Variants in PLK4 observed in about 807,000 individuals in gnomAD.
The protein encoded by PLK4 is serine/threonine-protein kinase PLK4.
PLK4 carries 51 observed loss-of-function variants against 103.0 expected under a neutral mutation model. The observed-to-expected ratio is 0.50, with a 90% confidence interval of 0.40 to 0.63. PLK4 has a LOEUF of 0.63. PLK4 is among the 20% of genes least tolerant of loss of function. The pLI is 0.00. For missense variants in PLK4, 1,054 were observed against 1,151.0 expected, an observed-to-expected ratio of 0.92 and a Z score of 1.22; for synonymous variants, 389 against 376.8, an observed-to-expected ratio of 1.03 and a Z score of -0.38.
chr4:127,881,039 G>A lies in PLK4; in HGVS notation c.-96G>A. 2.1e-6 allele frequency: 3 copies of A among 1,439,238 alleles called. No individual in the cohort carries two copies. Among genetic ancestry groups the A allele is most frequent in the Non-Finnish European group, 2.9e-6 (3 of 1,027,906 alleles). The allele number at this position is 1,439,238 out of a possible 1,614,324, so 89.2% of individuals were successfully genotyped here. On this transcript the variant is annotated 5_prime_UTR_variant, in exon 1 of 16. Transcript: ENST00000270861. ...AGCGGCGGTTTAGAGAGCCGAGCCT[G>A]ATGGGCGCCAAGGCCGGCTGGCTGC... is the stretch of plus-strand genomic sequence containing the variant.
chr4:127,890,137 G>A lies in PLK4; in HGVS notation c.1731G>A (p.Glu577=). 2 of 1,613,986 alleles carry A rather than the reference G, an allele frequency of 1.2e-6. No homozygotes were observed. The highest frequency in any genetic ancestry group is 1.1e-5 in the South Asian group (1 of 91,084). Residue 577 remains glutamate (E), a synonymous_variant, in exon 7 of 16, where the codon GAG becomes GAA. Transcript: ENST00000270861. ...AACAGAGCAAGACTAGGGGTATGGA[G>A]CCACCATGGGGTTATCAGAATCGTA... ...LSEQSKTRGM[E]PPWGYQNRTL...
chr4:127,892,503 G>T lies in PLK4; in HGVS notation c.2177G>T (p.Trp726Leu). Residue 726 changes from tryptophan to leucine, a missense_variant, in exon 10 of 16, where the codon TGG becomes TTG. Physicochemically the swap from Trp to Leu is moderately conservative, Grantham distance 61. Transcript: ENST00000270861. ...TCTCCTGGTGCTGATTTTGAGGTTTGGTTTTATGATGGTAAGTACCATTTG... is the reference window on the plus strand; with the variant it reads ...TCTCCTGGTGCTGATTTTGAGGTTTTGTTTTATGATGGTAAGTACCATTTG... The part of the protein sequence containing the change: ...ENSPGADFEV[W>L]FYDGVKIHKT... The T allele has an allele frequency of 6.2e-7, 1 of 1,606,138 alleles. No homozygotes were observed. Among genetic ancestry groups the T allele is most frequent in the South Asian group, 1.1e-5 (1 of 90,222 alleles).
In PLK4 at chr4:127,889,848, A is replaced by G. The variant is rs1735279854; in HGVS notation, c.1460-18A>G. 3.3e-6 allele frequency: 5 copies of G among 1,531,680 alleles called. No homozygotes were observed. The highest frequency in any genetic ancestry group is 4.4e-6 in the Non-Finnish European group (5 of 1,136,734). The allele number at this position is 1,531,680 out of a possible 1,614,324, so 94.9% of individuals were successfully genotyped here. Reference sequence around the variant, plus strand: ...TTTTAGTTATTTACTAAATTGCTTCATTCTATGTATATTGTAGCTCATTTA... The same window carrying G: ...TTTTAGTTATTTACTAAATTGCTTCGTTCTATGTATATTGTAGCTCATTTA... On this transcript the variant is annotated intron_variant, in intron 6 of 15. Transcript: ENST00000270861.
chr4:127,894,621 C>A (rs1044614526), intron 13 of PLK4, among the ~76,000 whole-genome samples: 1 of 151,872 alleles, frequency 6.6e-6, no homozygotes, highest in African/African-American at 2.4e-5. Context: ...ATGAACATGG[C>A]GATGAAGATT....
In PLK4 at chr4:127,886,259, T is replaced by G. The variant is rs1236127578; in HGVS notation, c.889T>G (p.Ser297Ala). 7 of 1,613,826 alleles carry G rather than the reference T, an allele frequency of 4.3e-6. No homozygotes were observed. The highest frequency in any genetic ancestry group is 5.1e-6 in the Non-Finnish European group (6 of 1,179,682). Reference protein sequence around the residue: ...HATISTAITASSSTSISGSLF... With the variant: ...HATISTAITAASSTSISGSLF... ...CACAATTTCTACTGCAATTACAGCT[T>G]CTTCCAGTACCAGTATAAGTGGTAG... Residue 297 changes from serine (S) to alanine (A), a missense_variant, in exon 5 of 16, where the codon TCT becomes GCT. Physicochemically the swap from Ser to Ala is moderately conservative, Grantham distance 99. Around this residue, in one of 4 missense-constraint regions of PLK4, gnomAD observed 680 missense variants for 660.3 expected, o/e 1.03. Coordinates refer to ENST00000270861, the MANE Select transcript of PLK4 (RefSeq NM_014264.5).
intron 14 of PLK4, 68 bp downstream of exon 14, chr4:127,895,161 A>G (rs1233536352): frequency 2.3e-5 from 24 of 1,044,080 alleles, no homozygotes; most frequent in Non-Finnish European, 3.1e-5. Flanking sequence ...CTGATAAGAC[A>G]ATTACCAAAA....
chr4:127,891,592 A>G lies in PLK4; in HGVS notation c.1949A>G (p.Tyr650Cys). ...SSDGNTITIY[Y>C]PNGGRGFPLA... ...ATCTTTTGGCAGATCACTATTTATTATCCAAATGGTGGTAGAGGTTTTCCT... is the reference window on the plus strand; with the variant it reads ...ATCTTTTGGCAGATCACTATTTATTGTCCAAATGGTGGTAGAGGTTTTCCT... The change falls in exon 9 of 16, where the codon TAT (tyrosine) becomes TGT (cysteine). Residue 650 changes from tyrosine (Y) to cysteine (C), a missense_variant. Physicochemically the swap from Tyr to Cys is radical, Grantham distance 194. Coordinates refer to ENST00000270861, the MANE Select transcript of PLK4 (RefSeq NM_014264.5). 6.6e-7 allele frequency: 1 copy of G among 1,510,378 alleles called. No individual in the cohort carries two copies. Among genetic ancestry groups the G allele is most frequent in the South Asian group, 1.3e-5 (1 of 77,646 alleles). The allele number at this position is 1,510,378 out of a possible 1,614,324, so 93.6% of individuals were successfully genotyped here.
At chr4:127,887,610 G>T in intron 6 of PLK4, 114 bp downstream of exon 6, 1 of 675,494 alleles carries the variant, frequency 1.5e-6, no homozygotes, top group East Asian at 2.8e-5. Flanking sequence ...TGGTGCAGTA[G>T]CTCATGCCTG....
At position 127,893,777 on chromosome 4, in the gene PLK4, C is replaced by A; in HGVS notation, c.2458C>A (p.Pro820Thr). The A allele has an allele frequency of 1.2e-6, 2 of 1,613,242 alleles. No homozygotes were observed. Among genetic ancestry groups the A allele is most frequent in the African/African-American group, 2.7e-5 (2 of 75,026 alleles). The change falls in exon 13 of 16, where the codon CCT (proline) becomes ACT (threonine). Residue 820 changes from proline to threonine, a missense_variant. Around this residue, in one of 4 missense-constraint regions of PLK4, gnomAD observed 167 missense variants for 200.7 expected, o/e 0.83. Transcript: ENST00000270861. ...TSSPKALSPP[P>T]SVDSNYPTRE... is the part of the protein sequence containing the mutation. Reference sequence around the variant, plus strand: ...TTCACCTAAGGCCTTATCACCTCCTCCTTCTGTGGATTCAAATTACCCAAC... The same window carrying A: ...TTCACCTAAGGCCTTATCACCTCCTACTTCTGTGGATTCAAATTACCCAAC...
intron 7 of PLK4, among the ~76,000 whole-genome samples, chr4:127,890,800 G>A (rs1470243809): frequency 4.6e-5 from 7 of 151,824 alleles, no homozygotes; most frequent in Non-Finnish European, 8.8e-5. Context: ...CCTTGCCTTT[G>A]TTTGGCTTGC....
intron 1 of PLK4, chr4:127,881,488 C>T (rs1734924366): frequency 1.2e-5 from 12 of 972,348 alleles, no homozygotes; most frequent in African/African-American, 1.6e-5. Context: ...AAGGGGATGG[C>T]GGTTATCTCC....
chr4:127,881,274 C>T (rs540158861), intron 1 of PLK4, 110 bp downstream of exon 1: 2 of 1,575,524 alleles, frequency 1.3e-6, no homozygotes, highest in African/African-American at 1.3e-5. Flanking sequence ...GGGCGGGCAC[C>T]GAGGTGCTTA....
At position 127,886,238 on chromosome 4, in the gene PLK4, A is replaced by G. The variant is rs1472670179; in HGVS notation, c.868A>G (p.Ile290Val). 1.2e-6 allele frequency: 2 copies of G among 1,614,016 alleles called. No individual in the cohort carries two copies. Among genetic ancestry groups the G allele is most frequent in the African/African-American group, 2.7e-5 (2 of 74,940 alleles). The change falls in exon 5 of 16, where the codon ATT becomes GTT. Residue 290 changes from isoleucine to valine, a missense_variant. By Grantham distance (29) the Ile-to-Val change is conservative (BLOSUM62 3). Around this residue, in one of 4 missense-constraint regions of PLK4, gnomAD observed 680 missense variants for 660.3 expected, o/e 1.03. Transcript: ENST00000270861. ...CTCAATTGATAGTGGGCATGCCACA[A>G]TTTCTACTGCAATTACAGCTTCTTC... ...EDSIDSGHAT[I>V]STAITASSST... is the part of the protein sequence containing the mutation.
At chr4:127,887,231 TTAGC>T (rs1449578483) in intron 5 of PLK4, 161 bp from the exon 6 acceptor site, 25 of 534,800 alleles carry the variant, frequency 4.7e-5, no homozygotes, top group Non-Finnish European at 7.1e-5. Flanking sequence ...GCATGGGAGT[TTAGC>T]TTTTTAAAGA....
At chr4:127,889,538 A>G (rs1295840853) in intron 6 of PLK4, among the ~76,000 whole-genome samples, 1 of 152,174 alleles carries the variant, frequency 6.6e-6, no homozygotes, top group Non-Finnish European at 1.5e-5. Flanking sequence ...TTGTTGGCAC[A>G]TTGGCAGTTG....
chr4:127,881,118 G>A lies in PLK4; in HGVS notation c.-17G>A. The A allele has an allele frequency of 6.2e-7, 1 of 1,613,968 alleles. No homozygotes were observed. Among genetic ancestry groups the A allele is most frequent in the Non-Finnish European group, 8.5e-7 (1 of 1,179,992 alleles). ...GAAGGAAGCTAATCCGGAGAACCCA[G>A]GCCAGAGCCTGGAAATATGGCGACC... On this transcript the variant is annotated 5_prime_UTR_variant, in exon 1 of 16. Coordinates refer to ENST00000270861, the MANE Select transcript of PLK4 (RefSeq NM_014264.5).
intron 8 of PLK4, 68 bp from the exon 9 acceptor site, chr4:127,891,511 G>A (rs1416845330): frequency 1.6e-5 from 9 of 579,694 alleles, no homozygotes; most frequent in South Asian, 6.8e-5. Context: ...CTTTGTATAC[G>A]TTTTAGCAAG....
Position 127,881,277 on chromosome 4 carries a change from G to A in PLK4, c.30+113G>A, listed in dbSNP as rs551363187. On this transcript the variant is annotated intron_variant, in intron 1 of 15. Coordinates refer to ENST00000270861, the MANE Select transcript of PLK4 (RefSeq NM_014264.5). Reference sequence around the variant, plus strand: ...CTAACGGCTGCGGGGCGGGCACCGAGGTGCTTAGGGAGGGTCCCAACGGCC... The same window carrying A: ...CTAACGGCTGCGGGGCGGGCACCGAAGTGCTTAGGGAGGGTCCCAACGGCC... The A allele has an allele frequency of 5.9e-5, 92 of 1,571,154 alleles. No homozygotes were observed. The African/African-American group carries it at 1.1e-3, about 18-fold the overall frequency.
chr4:127,893,468 T>C, intron 11 of PLK4, 45 bp from the exon 12 acceptor site: 1 of 1,600,358 alleles, frequency 6.2e-7, no homozygotes, highest in Non-Finnish European at 8.5e-7. Context: ...TGATTGCAAA[T>C]GACATAGGTG....
Sources: allele counts gnomAD v4.1 joint callset (sites outside exome capture counted in the v4.1 genomes callset), GRCh38; gene constraint gnomAD v4.1.1; regional missense constraint gnomAD v4.1.1; transcripts MANE v1.5; gene names NCBI Gene and HGNC (gene_info 2026-07-23, HGNC 2026-07-21).